CEP44: variants seen among roughly 807,000 people sequenced by gnomAD.
The protein encoded by CEP44 is centrosomal protein 44, also known as centrosomal protein of 44 kDa.
A neutral mutation model predicts 46.7 loss-of-function variants in CEP44; 45 were observed. That is an observed-to-expected ratio of 0.96 (90% confidence interval 0.76 to 1.24). The LOEUF (loss-of-function observed/expected upper bound fraction) is 1.24. Ranked by LOEUF, CEP44 falls within the 50% of genes most tolerant of loss-of-function variation. The pLI is 0.00. For missense variants in CEP44, 475 were observed against 459.7 expected (o/e 1.03, Z -0.30); for synonymous variants, 142 against 146.0 (o/e 0.97, Z 0.20).
At chr4:174,284,732 C>G (rs1375625393) in intron 1 of CEP44, among the ~76,000 whole-genome samples, 1 of 152,194 alleles carries the variant, frequency 6.6e-6, no homozygotes, top group African/African-American at 2.4e-5. Context: ...GATGCTTTGC[C>G]TTTCTCAGAC....
chr4:174,285,831 T>TAG (rs1469964025), intron 1 of CEP44, among the ~76,000 whole-genome samples: 2 of 152,168 alleles, frequency 1.3e-5, no homozygotes, highest in Non-Finnish European at 2.9e-5. Flanking sequence ...AGTCCTCACT[T>TAG]CATGTTTTTC....
chr4:174,308,242 A>T (rs1169867905), intron 6 of CEP44, among the ~76,000 whole-genome samples: 2 of 152,212 alleles, frequency 1.3e-5, no homozygotes, highest in African/African-American at 4.8e-5. Context: ...CCCATCAATG[A>T]TAGAGCAGAT....
intron 2 of CEP44, among the ~76,000 whole-genome samples, chr4:174,298,536 T>A (rs1160995872): frequency 6.6e-6 from 1 of 152,230 alleles, no homozygotes; most frequent in Non-Finnish European, 1.5e-5. Context: ...GAAGGTAACA[T>A]GCATTTAATC....
chr4:174,309,609 A>G lies in CEP44; in HGVS notation c.679-241A>G, dbSNP rs533692258. Among the ~76,000 whole-genome samples the G allele has an allele frequency of 5.3e-5, 8 of 151,946 alleles. No individual in the cohort carries two copies. Among genetic ancestry groups the G allele is most frequent in the Non-Finnish European group, 1.2e-4 (8 of 67,930 alleles). On this transcript the variant is annotated intron_variant, in intron 7 of 11. Transcript: ENST00000503780. This position sits in a 1 kb window ranked among gnomAD's most constrained non-coding sequence, Gnocchi z 5.3. ...AAATTAACTCATTATCAGAAGAATCATATGAAATAGATACTGCTCTTATCT... is the reference window on the plus strand; with the variant it reads ...AAATTAACTCATTATCAGAAGAATCGTATGAAATAGATACTGCTCTTATCT...
Position 174,319,750 on chromosome 4 carries a change from A to G in CEP44, c.*2367A>G, listed in dbSNP as rs2126682338. The G allele has an allele frequency of 5.5e-6, 5 of 914,344 alleles. No homozygotes were observed. Among genetic ancestry groups the G allele is most frequent in the East Asian group, 1.2e-4 (1 of 8,598 alleles). The allele number at this position is 914,344 out of a possible 1,614,324, so 56.6% of individuals were successfully genotyped here. On this transcript the variant is annotated 3_prime_UTR_variant, in exon 12 of 12. Coordinates refer to ENST00000503780, the MANE Select transcript of CEP44 (RefSeq NM_001040157.3). ...TAGGGACTAAAAATCAACTCAATATATCATACATTTACACTTACAAAGAGT... is the reference window on the plus strand; with the variant it reads ...TAGGGACTAAAAATCAACTCAATATGTCATACATTTACACTTACAAAGAGT...
downstream of CEP44, among the ~76,000 whole-genome samples, chr4:174,322,142 T>G (rs1341939096): frequency 6.6e-6 from 1 of 152,184 alleles, no homozygotes; most frequent in Non-Finnish European, 1.5e-5. Context: ...ATTTATTTAT[T>G]TTTTCACACT....
chr4:174,306,021 A>G (rs56817844), intron 6 of CEP44, among the ~76,000 whole-genome samples: 3,087 of 152,282 alleles, frequency 0.02, 109 homozygotes, highest in African/African-American at 0.069. Flanking sequence ...CAGATTTAGA[A>G]AAGAGTCTAC....
rs1376797647 is a variant in CEP44 at position 174,329,333 on chromosome 4, C to T, written c.1087-2149C>T. 6.8e-6 allele frequency among the ~76,000 whole-genome samples: 1 copy of T among 147,168 alleles called. No individual in the cohort carries two copies. The highest frequency in any genetic ancestry group is 1.5e-5 in the Non-Finnish European group (1 of 65,276). ...AAAGCCCTTTGCTCAAACACAGACA[C>T]ACACACAGACACACACACACACACA... is the stretch of plus-strand genomic sequence containing the variant. On this transcript the variant is annotated intron_variant, in intron 8 of 8. Transcript: ENST00000426172. This position sits in a 1 kb window ranked among gnomAD's most constrained non-coding sequence, Gnocchi z 4.0.
At chr4:174,315,962 T>A (rs1002213547) in intron 9 of CEP44, among the ~76,000 whole-genome samples, 8 of 152,172 alleles carry the variant, frequency 5.3e-5, no homozygotes, top group Non-Finnish European at 7.4e-5. Context: ...AATACTGCCT[T>A]TTGTAATTTT....
At chr4:174,325,092 G>T (rs1045770870), downstream of CEP44, among the ~76,000 whole-genome samples, 1 of 152,228 alleles carries the variant, frequency 6.6e-6, no homozygotes, top group South Asian at 2.1e-4. This position sits in a 1 kb window ranked among gnomAD's most constrained non-coding sequence, Gnocchi z 4.4. Flanking sequence ...TCTCATCGTA[G>T]TTTTAGCTTA....
At chr4:174,284,197 T>C (rs1737282965) in intron 1 of CEP44, 8 of 397,464 alleles carry the variant, frequency 2.0e-5, no homozygotes, top group Non-Finnish European at 8.8e-6. Flanking sequence ...GTCGCCTCTC[T>C]CCGCCGTCCT....
chr4:174,298,218 C>CT (rs1739288885), intron 2 of CEP44, among the ~76,000 whole-genome samples, 156 bp downstream of exon 2: 3 of 143,268 alleles, frequency 2.1e-5, no homozygotes, highest in Non-Finnish European at 4.5e-5. Flanking sequence ...CTCTGTCGCC[C>CT]AGGCTGGAGT....
At chr4:174,316,745 T>C (rs1208349530) in intron 11 of CEP44, 178 bp downstream of exon 11, 10 of 486,250 alleles carry the variant, frequency 2.1e-5, no homozygotes, top group South Asian at 1.9e-4. Context: ...GTTTGTGAGA[T>C]GAGTCACTGT....
At chr4:174,298,970 G>C (rs183743788) in intron 2 of CEP44, 102 bp from the exon 3 acceptor site, 1 of 584,170 alleles carries the variant, frequency 1.7e-6, no homozygotes, top group South Asian at 2.4e-5. Context: ...GCTAGGGTAA[G>C]ATAAATATGG....
At chr4:174,316,706 C>A in intron 11 of CEP44, 139 bp downstream of exon 11, 1 of 667,250 alleles carries the variant, frequency 1.5e-6, no homozygotes, top group Non-Finnish European at 2.4e-6. Flanking sequence ...CAGGACTCCA[C>A]TGGATAATAA....
Position 174,331,446 on chromosome 4 carries a change from C to A in CEP44, c.1087-36C>A, listed in dbSNP as rs577087437. The A allele has an allele frequency of 1.9e-6, 3 of 1,548,236 alleles. No individual in the cohort carries two copies. The highest frequency in any genetic ancestry group is 2.7e-5 in the African/African-American group (2 of 72,992). On this transcript the variant is annotated intron_variant, in intron 8 of 8. Transcript: ENST00000426172. The surrounding 1 kb of genome is among the most constrained non-coding windows in gnomAD (Gnocchi z 4.5). ...ACCCATTCTGCCAATGCATTTAGAT[C>A]ATATTTTAATGTATAATTTTGTGTT... is the stretch of plus-strand genomic sequence containing the variant.
intron 4 of CEP44, among the ~76,000 whole-genome samples, chr4:174,302,929 C>A (rs1220006977): frequency 6.6e-6 from 1 of 151,802 alleles, no homozygotes; most frequent in African/African-American, 2.4e-5. Context: ...TACAGGCGTG[C>A]ACCGTGACCA....
rs1739803372 is a variant in CEP44 at position 174,302,179 on chromosome 4, T to A, written c.230T>A (p.Val77Asp). 1 of 1,587,908 alleles carries A rather than the reference T, an allele frequency of 6.3e-7. No individual in the cohort carries two copies. The highest frequency in any genetic ancestry group is 8.6e-7 in the Non-Finnish European group (1 of 1,166,698). The change falls in exon 4 of 12, where the codon GTC becomes GAC. Residue 77 changes from valine to aspartate, a missense_variant. Coordinates refer to ENST00000503780, the MANE Select transcript of CEP44 (RefSeq NM_001040157.3). ...AATGACTTGCGCTTTATAGATGCTG[T>A]CTATAAGGTATTTTGAGTTTATCAA... Reference protein sequence around the residue: ...AKNDLRFIDAVYKLLRDQFNY... With the variant: ...AKNDLRFIDADYKLLRDQFNY...
chr4:174,299,566 T>C (rs1040848821), intron 3 of CEP44, among the ~76,000 whole-genome samples: 2 of 152,214 alleles, frequency 1.3e-5, no homozygotes, highest in Admixed American at 1.3e-4. Context: ...GTTAAATATA[T>C]CCAGAATAAG....
Sources: allele counts gnomAD v4.1 joint callset (sites outside exome capture counted in the v4.1 genomes callset), GRCh38; gene constraint gnomAD v4.1.1; non-coding constraint Gnocchi (gnomAD v3.1); transcripts MANE v1.5; gene names NCBI Gene and HGNC (gene_info 2026-07-23, HGNC 2026-07-21).